The following CAPN1 variants were observed in gnomAD, a reference collection of about 807,000 sequenced individuals.
CAPN1 encodes the protein calpain-1 catalytic subunit.
CAPN1 carries 77 observed loss-of-function variants against 105.2 expected under a neutral mutation model. That is an observed-to-expected ratio of 0.73 (90% CI 0.61 to 0.88). CAPN1 has a LOEUF of 0.88. Ranked by LOEUF, CAPN1 falls within the 40% of genes least tolerant of loss-of-function variation. The pLI is 0.00. For synonymous variants in CAPN1, 355 were observed against 388.8 expected (o/e 0.91, Z 1.02); for missense variants, 833 against 976.6 (o/e 0.85, Z 1.96).
In CAPN1 at chr11:65,194,714, T is replaced by C. The variant is rs151278424; in HGVS notation, c.1165+5968T>C. Among the ~76,000 whole-genome samples, 111 of 152,348 alleles carry C rather than the reference T, an allele frequency of 7.3e-4. 1 individual carries two copies. In the East Asian group the frequency reaches 0.015, roughly 21 times the overall value. On this transcript the variant is annotated intron_variant, in intron 10 of 21. Coordinates refer to ENST00000279247, the MANE Select transcript of CAPN1 (RefSeq NM_005186.4). ...TGGTGTAGAAGTACTTCATCTCTTT[T>C]TTATGGCAGATTAATCTTCCATGAT...
chr11:65,211,023 G>A, intron 21 of CAPN1, 151 bp downstream of exon 21: 1 of 796,624 alleles, frequency 1.3e-6, no homozygotes, highest in Non-Finnish European at 2.1e-6. Flanking sequence ...AAAGGCTGGG[G>A]TGGGGGTGTC....
At chr11:65,193,636 C>CA (rs1948750259) in intron 10 of CAPN1, among the ~76,000 whole-genome samples, 1 of 115,012 alleles carries the variant, frequency 8.7e-6, no homozygotes, top group Non-Finnish European at 1.8e-5. Flanking sequence ...TAGAGCGAGA[C>CA]TCTGTCTCAA....
chr11:65,204,842 G>C lies in CAPN1; in HGVS notation c.1325G>C (p.Gly442Ala). 6.2e-7 allele frequency: 1 copy of C among 1,609,070 alleles called. No individual in the cohort carries two copies. Among genetic ancestry groups the C allele is most frequent in the East Asian group, 2.2e-5 (1 of 44,758 alleles). ...RRFGRDMETI[G>A]FAVYEVPPEL... ...TTCGGCCGCGACATGGAGACTATTG[G>C]CTTCGCGGTCTACGAGGTCAGGAGG... The change falls in exon 11 of 22, where the codon GGC becomes GCC. Residue 442 changes from glycine (G) to alanine (A), a missense_variant. Coordinates refer to ENST00000279247, the MANE Select transcript of CAPN1 (RefSeq NM_005186.4).
At chr11:65,185,198 A>C (rs1407981963) in intron 4 of CAPN1, among the ~76,000 whole-genome samples, 1 of 152,088 alleles carries the variant, frequency 6.6e-6, no homozygotes, top group African/African-American at 2.4e-5. Context: ...CCCCAGCCCC[A>C]CAATGGGTAC....
chr11:65,183,702 A>T lies in CAPN1; in HGVS notation c.456+110A>T, dbSNP rs1590847579. ...ACCCTGTGGGGCCAGCCCTCCCTCT[A>T]GCAGGTATTTGACCTCTCAGTGCCA... On this transcript the variant is annotated intron_variant, in intron 4 of 21. Coordinates refer to ENST00000279247, the MANE Select transcript of CAPN1 (RefSeq NM_005186.4). 4 of 728,816 alleles carry T rather than the reference A, an allele frequency of 5.5e-6. No individual in the cohort carries two copies. In the East Asian group the frequency reaches 1.1e-4, roughly 20 times the overall value. The allele number at this position is 728,816 out of a possible 1,614,324, so 45.1% of individuals were successfully genotyped here. A position where few individuals can be genotyped will look rare whatever the true frequency, so the allele number is the denominator to read the frequency against.
At position 65,183,124 on chromosome 11, in the gene CAPN1, G is replaced by C. The variant is rs768883809; in HGVS notation, c.268-4G>C. On this transcript the variant is annotated splice_region_variant and splice_polypyrimidine_tract_variant and intron_variant, in intron 2 of 21. Coordinates refer to ENST00000279247, the MANE Select transcript of CAPN1 (RefSeq NM_005186.4). ...CGAGGAACAGGACTCTGGGTCTCTC[G>C]TAGGAACTGCTGTCAAACCCCCAGT... 5.6e-6 allele frequency: 9 copies of C among 1,613,848 alleles called. No individual in the cohort carries two copies. In the South Asian group the frequency reaches 9.9e-5, roughly 18 times the overall value.
chr11:65,201,847 C>T (rs1281996834), intron 10 of CAPN1, among the ~76,000 whole-genome samples: 3 of 134,140 alleles, frequency 2.2e-5, no homozygotes, highest in African/African-American at 8.4e-5. Context: ...TTTTGAGACA[C>T]GGTCTTGGTC....
chr11:65,185,972 AG>A lies in CAPN1; in HGVS notation c.514del (p.Asp172ThrfsTer4). The stretch of plus-strand genomic sequence containing the variant: ...GTCGTGGATGACCTGCTGCCCATCA[AG>A]GACGGGAAGCTAGTGTTCGTGCACT... Reference protein sequence around the residue: ...DVVVDDLLPIKDGKLVFVHSA... With the variant: ...DVVVDDLLPIXDGKLVFVHSA... On this transcript the variant is annotated frameshift_variant, in exon 5 of 22. Coordinates refer to ENST00000279247, the MANE Select transcript of CAPN1 (RefSeq NM_005186.4). LOFTEE classifies it high-confidence loss of function. 6.2e-7 allele frequency: 1 copy of A among 1,601,738 alleles called. No homozygotes were observed. The highest frequency in any genetic ancestry group is 8.5e-7 in the Non-Finnish European group (1 of 1,174,132).
At chr11:65,207,913 CAAAAAGAAA>C in intron 14 of CAPN1, 133 bp from the exon 15 acceptor site, 1 of 501,988 alleles carries the variant, frequency 2.0e-6, no homozygotes, top group Non-Finnish European at 3.3e-6. Context: ...AACTCCATCT[CAAAAAGAAA>C]AGAAAAGAAA....
intron 3 of CAPN1, 58 bp downstream of exon 3, chr11:65,183,255 G>T: frequency 2.0e-6 from 3 of 1,473,882 alleles, no homozygotes; most frequent in South Asian, 1.1e-5. Context: ...CCCCATTCCC[G>T]CTCCTTCAGG....
intron 10 of CAPN1, among the ~76,000 whole-genome samples, chr11:65,198,917 C>A (rs1485510128): frequency 3.3e-5 from 5 of 152,226 alleles, no homozygotes; most frequent in Non-Finnish European, 7.3e-5. Context: ...TCACCGCAAC[C>A]TCTGCCTCCC....
rs151048487 is a variant in CAPN1, at chr11:65,189,755, C to T, written c.1165+1009C>T. Among the ~76,000 whole-genome samples the T allele has an allele frequency of 2.2e-3, 332 of 152,278 alleles. 1 individual carries two copies. Among genetic ancestry groups the T allele is most frequent in the African/African-American group, 7.0e-3 (292 of 41,546 alleles). Reference sequence around the variant, plus strand: ...TGTGGCAGGAGAGAAATCACATAACCGATGCCATATTTTCCCTGTAAATTC... The same window carrying T: ...TGTGGCAGGAGAGAAATCACATAACTGATGCCATATTTTCCCTGTAAATTC... On this transcript the variant is annotated intron_variant, in intron 10 of 21. Transcript: ENST00000279247.
chr11:65,202,536 G>A (rs1948886974), intron 10 of CAPN1, among the ~76,000 whole-genome samples: 2 of 152,014 alleles, frequency 1.3e-5, no homozygotes, highest in African/African-American at 4.8e-5. Context: ...TCTGTCTCCT[G>A]GGTTCACGCA....
Position 65,208,394 on chromosome 11 carries a change from C to A in CAPN1, c.1729+132C>A. The A allele has an allele frequency of 1.2e-6, 1 of 849,562 alleles. No homozygotes were observed. The highest frequency in any genetic ancestry group is 1.9e-6 in the Non-Finnish European group (1 of 522,300). The allele number at this position is 849,562 out of a possible 1,614,324, so 52.6% of individuals were successfully genotyped here. ...CGGGGAATCCTCCAGTTTTTCTGAG[C>A]CCAGTTCCCTGCCATTTCCATCCCA... On this transcript the variant is annotated intron_variant, in intron 16 of 21. Transcript: ENST00000279247. The surrounding 1 kb of genome is among the most constrained non-coding windows in gnomAD (Gnocchi z 4.1).
Position 65,209,717 on chromosome 11 carries a change from G to C in CAPN1, c.1795-132G>C. 1 of 855,242 alleles carries C rather than the reference G, an allele frequency of 1.2e-6. No individual in the cohort carries two copies. The highest frequency in any genetic ancestry group is 1.6e-5 in the South Asian group (1 of 61,752). 53.0% of individuals were successfully genotyped at this position (855,242 alleles called of 1,614,324 possible). On this transcript the variant is annotated intron_variant, in intron 17 of 21. Transcript: ENST00000279247. This position sits in a 1 kb window ranked among gnomAD's most constrained non-coding sequence, Gnocchi z 4.1. ...GCCCGGCTGTGGGCTGACTGTACAT[G>C]GCTTTTGCTGCTTCTCCTCACCCAG...
chr11:65,191,701 T>C (rs1948720359), intron 10 of CAPN1, among the ~76,000 whole-genome samples: 1 of 152,226 alleles, frequency 6.6e-6, no homozygotes, highest in African/African-American at 2.4e-5. Context: ...ATTAGGAATA[T>C]AGCATCTGCA....
Position 65,205,829 on chromosome 11 carries a change from T to G in CAPN1, c.1353+108T>G, listed in dbSNP as rs145309768. The G allele has an allele frequency of 1.4e-5, 14 of 991,438 alleles. 1 individual carries two copies. The Middle Eastern group carries it at 6.3e-4, about 45-fold the overall frequency. The allele number at this position is 991,438 out of a possible 1,614,324, so 61.4% of individuals were successfully genotyped here. A position where few individuals can be genotyped will look rare whatever the true frequency, so the allele number is the denominator to read the frequency against. On this transcript the variant is annotated intron_variant, in intron 12 of 21. Transcript: ENST00000279247. ...GGCCTGGAGAGCTAAGAAGTCACCT[T>G]GTTTCACTGCTTGAAAAATGCTTCT...
Position 65,208,442 on chromosome 11 carries a change from T to G in CAPN1, c.1729+180T>G, listed in dbSNP as rs1051625916. 1.5e-6 allele frequency: 1 copy of G among 658,070 alleles called. No homozygotes were observed. The highest frequency in any genetic ancestry group is 2.7e-6 in the Non-Finnish European group (1 of 369,158). The allele number at this position is 658,070 out of a possible 1,614,324, so 40.8% of individuals were successfully genotyped here. Reference sequence around the variant, plus strand: ...CCATACTCCTCCTCCTGACCTGCCATCCTGATAATCCCTGTGCTCGGGTGC... The same window carrying G: ...CCATACTCCTCCTCCTGACCTGCCAGCCTGATAATCCCTGTGCTCGGGTGC... On this transcript the variant is annotated intron_variant, in intron 16 of 21. Coordinates refer to ENST00000279247, the MANE Select transcript of CAPN1 (RefSeq NM_005186.4). This position sits in a 1 kb window ranked among gnomAD's most constrained non-coding sequence, Gnocchi z 4.1.
chr11:65,205,896 G>A, intron 12 of CAPN1, 175 bp downstream of exon 12: 1 of 648,692 alleles, frequency 1.5e-6, no homozygotes, highest in Non-Finnish European at 2.8e-6. Flanking sequence ...GCTCTCCTGA[G>A]GGTCAGCACA....
Sources: allele counts gnomAD v4.1 joint callset (sites outside exome capture counted in the v4.1 genomes callset), GRCh38; gene constraint gnomAD v4.1.1; non-coding constraint Gnocchi (gnomAD v3.1); transcripts MANE v1.5; gene names NCBI Gene and HGNC (gene_info 2026-07-23, HGNC 2026-07-21).